Variants in OPCML observed in about 807,000 individuals in gnomAD.
OPCML encodes the protein opioid binding protein/cell adhesion molecule like, also known as opioid-binding protein/cell adhesion molecule.
OPCML carries 13 observed loss-of-function variants against 37.8 expected under a neutral mutation model. The observed-to-expected ratio is 0.34, with a 90% CI of 0.22 to 0.55. The LOEUF is 0.55. OPCML is among the 20% of genes least tolerant of loss of function. The pLI, the probability that OPCML is intolerant of heterozygous loss-of-function variation, is 0.91. For synonymous variants in OPCML, 176 were observed against 168.8 expected (o/e 1.04, Z -0.33); for missense variants, 341 against 435.6 (o/e 0.78, Z 1.93).
chr11:132,890,050 C>G (rs1329258336), intron 2 of OPCML, among the ~76,000 whole-genome samples: 1 of 152,192 alleles, frequency 6.6e-6, no homozygotes, highest in Non-Finnish European at 1.5e-5. Context: ...CCATCATCAT[C>G]CGCAAGGCAA....
At chr11:132,883,883 T>C (rs995407122) in intron 2 of OPCML, among the ~76,000 whole-genome samples, 3 of 152,198 alleles carry the variant, frequency 2.0e-5, no homozygotes, top group Admixed American at 6.5e-5. Context: ...TCTACTGCAC[T>C]TCAGTTTCTG....
chr11:133,172,021 A>C (rs1271437088), intron 1 of OPCML, among the ~76,000 whole-genome samples: 1 of 152,244 alleles, frequency 6.6e-6, no homozygotes, highest in East Asian at 1.9e-4. Flanking sequence ...ACATAGCAGA[A>C]GCTCCCTGTA....
intron 1 of OPCML, among the ~76,000 whole-genome samples, chr11:133,146,317 T>C (rs60388944): frequency 0.039 from 5,572 of 141,272 alleles, 338 homozygotes; most frequent in African/African-American, 0.14. Context: ...CTTTTCTTTT[T>C]TTTTTTTTTT....
At chr11:133,111,578 G>C (rs1021971818) in intron 1 of OPCML, among the ~76,000 whole-genome samples, 4 of 152,172 alleles carry the variant, frequency 2.6e-5, no homozygotes, top group Non-Finnish European at 5.9e-5. Flanking sequence ...CACCCAAGAG[G>C]GAAGTGTTTC....
At chr11:132,808,476 C>T (rs1939145138) in intron 2 of OPCML, among the ~76,000 whole-genome samples, 1 of 152,202 alleles carries the variant, frequency 6.6e-6, no homozygotes, top group Non-Finnish European at 1.5e-5. Flanking sequence ...GGGGGCAGAG[C>T]ACTGTGTGGG....
intron 1 of OPCML, among the ~76,000 whole-genome samples, chr11:133,525,237 A>G (rs925438286): frequency 6.6e-6 from 1 of 152,220 alleles, no homozygotes. Context: ...AGCAGCATTT[A>G]AGCTGAGTTC....
At chr11:132,734,518 T>C (rs928943878) in intron 2 of OPCML, among the ~76,000 whole-genome samples, 1 of 152,182 alleles carries the variant, frequency 6.6e-6, no homozygotes, top group Non-Finnish European at 1.5e-5. Flanking sequence ...GTGAACCACA[T>C]TGGAAGCTGA....
At chr11:133,125,921 T>C (rs937318824) in intron 1 of OPCML, among the ~76,000 whole-genome samples, 4 of 149,026 alleles carry the variant, frequency 2.7e-5, no homozygotes, top group Non-Finnish European at 4.5e-5. Context: ...CACACGTATA[T>C]AGTATATACA....
rs538747333 is a variant in OPCML, at chr11:132,699,865, C to T, written c.147-42546G>A. Among the ~76,000 whole-genome samples the T allele has an allele frequency of 1.9e-3, 282 of 152,074 alleles. 1 individual carries two copies. The highest frequency in any genetic ancestry group is 0.01 in the Middle Eastern group (3 of 292). On this transcript the variant is annotated intron_variant, in intron 2 of 7. Transcript: ENST00000524381. ...TCTGGGGAATACTGGTCTCATAAAA[C>T]TAGTTTGGAATTATTCCCTTCTTTT...
intron 1 of OPCML, among the ~76,000 whole-genome samples, chr11:133,094,131 CTATAAT>C (rs892313124): frequency 1.2e-4 from 18 of 152,056 alleles, no homozygotes; most frequent in Admixed American, 9.8e-4. Context: ...GCAGGTGCAG[CTATAAT>C]TATGTACCTG....
intron 1 of OPCML, among the ~76,000 whole-genome samples, chr11:133,391,228 CT>C (rs1565609604): frequency 6.6e-6 from 1 of 152,186 alleles, no homozygotes; most frequent in Non-Finnish European, 1.5e-5. Context: ...ACCATCCCTC[CT>C]AGTGAGATGT....
intron 3 of OPCML, among the ~76,000 whole-genome samples, chr11:132,616,435 G>A (rs1474963189): frequency 6.6e-6 from 1 of 152,160 alleles, no homozygotes; most frequent in African/African-American, 2.4e-5. Context: ...TTCTCTTACT[G>A]TCATAATTTT....
intron 1 of OPCML, among the ~76,000 whole-genome samples, chr11:132,975,524 T>C (rs749769211): frequency 6.7e-4 from 49 of 73,150 alleles, no homozygotes; most frequent in Non-Finnish European, 9.9e-4. Flanking sequence ...CATCCAGGTT[T>C]CAAGCAAAAA....
intron 1 of OPCML, among the ~76,000 whole-genome samples, chr11:133,407,169 C>G (rs1945544163): frequency 6.6e-6 from 1 of 152,164 alleles, no homozygotes; most frequent in Admixed American, 6.5e-5. Flanking sequence ...GGGGCTAAAA[C>G]TGAGAATAAT....
chr11:133,515,845 A>AG (rs1216560814), intron 1 of OPCML, among the ~76,000 whole-genome samples: 47 of 144,596 alleles, frequency 3.3e-4, no homozygotes, highest in African/African-American at 1.2e-3. Context: ...AAGAAGAGGA[A>AG]AAAAAAAAAA....
intron 1 of OPCML, among the ~76,000 whole-genome samples, chr11:133,128,936 C>T (rs1210240626): frequency 2.0e-5 from 3 of 152,094 alleles, no homozygotes; most frequent in Admixed American, 2.0e-4. Context: ...CTACCTGAAA[C>T]AATAAAAAAA....
chr11:132,878,283 T>A lies in OPCML; in HGVS notation c.146+64643A>T, dbSNP rs77786410. Reference sequence around the variant, plus strand: ...TTGATTGTGCCACAGGGTGCTTAGCTATCTGGTTAAACGTGTTCTGTGAGA... The same window carrying A: ...TTGATTGTGCCACAGGGTGCTTAGCAATCTGGTTAAACGTGTTCTGTGAGA... On this transcript the variant is annotated intron_variant, in intron 2 of 7. Coordinates refer to ENST00000524381, the MANE Select transcript of OPCML (RefSeq NM_001012393.5). Among the ~76,000 whole-genome samples, 504 of 152,362 alleles carry A rather than the reference T, an allele frequency of 3.3e-3. 3 individuals are homozygous for A. Among genetic ancestry groups the A allele is most frequent in the Non-Finnish European group, 4.2e-3 (289 of 68,034 alleles).
intron 4 of OPCML, among the ~76,000 whole-genome samples, chr11:132,484,776 G>T (rs2096193884): frequency 6.6e-6 from 1 of 152,112 alleles, no homozygotes; most frequent in Non-Finnish European, 1.5e-5. Flanking sequence ...TAGGGACATG[G>T]ATGAAACTGG....
chr11:133,107,779 C>T (rs1256980024), intron 1 of OPCML, among the ~76,000 whole-genome samples: 1 of 152,172 alleles, frequency 6.6e-6, no homozygotes, highest in Non-Finnish European at 1.5e-5. Context: ...GCTCTCTTGA[C>T]ACTGAAGATT....
Sources: allele counts gnomAD v4.1 joint callset (sites outside exome capture counted in the v4.1 genomes callset), GRCh38; gene constraint gnomAD v4.1.1; transcripts MANE v1.5; gene names NCBI Gene and HGNC (gene_info 2026-07-23, HGNC 2026-07-21).